Variants in EFCAB11 observed in about 807,000 individuals in gnomAD.
The protein encoded by EFCAB11 is EF-hand calcium binding domain 11.
Under a neutral mutation model 23.0 loss-of-function variants are expected in EFCAB11, and 14 were observed. The ratio of observed to expected loss-of-function variants is 0.61; its 90% CI spans 0.40 to 0.95. The LOEUF (loss-of-function observed/expected upper bound fraction) is 0.95, where lower values mean the gene tolerates loss of function less well. Among genes scored for constraint, EFCAB11 ranks in the 40% least tolerant of loss-of-function variants. EFCAB11 has a pLI of 0.00. For synonymous variants in EFCAB11, 65 were observed against 66.6 expected (o/e 0.98, Z 0.11); for missense variants, 198 against 195.8 (o/e 1.01, Z -0.07).
At chr14:89,831,236 G>C (rs1169082079) in intron 5 of EFCAB11, 1 of 152,220 alleles carries the variant, frequency 6.6e-6, no homozygotes, top group Non-Finnish European at 1.5e-5. Context: ...GCAACACAAA[G>C]GATGGAGTTA....
At chr14:89,927,791 G>A (rs913815787) in intron 5 of EFCAB11, among the ~76,000 whole-genome samples, 6 of 151,534 alleles carry the variant, frequency 4.0e-5, no homozygotes, top group African/African-American at 1.2e-4. Flanking sequence ...GCACGATCTC[G>A]GCTCACTACA....
At chr14:89,820,877 A>G (rs993407087) in intron 5 of EFCAB11, among the ~76,000 whole-genome samples, 6 of 151,528 alleles carry the variant, frequency 4.0e-5, no homozygotes, top group Non-Finnish European at 7.4e-5. Context: ...AGATTTTTAG[A>G]TATTATATAT....
rs574936441 is a variant in EFCAB11, at chr14:89,834,333, A to G, written c.411-37009T>C. 1.8e-4 allele frequency among the ~76,000 whole-genome samples: 22 copies of G among 125,190 alleles called. 1 individual carries two copies. The South Asian group carries it at 5.5e-3, about 31-fold the overall frequency. 82.1% of individuals were successfully genotyped at this position (125,190 alleles called of 152,430 possible). ...GGAGGTTGCAGCGAGCCGAGATCGC[A>G]CCACTGCACTCCAGCCTGGGCAACA... On this transcript the variant is annotated intron_variant, in intron 5 of 5. Transcript: ENST00000316738.
chr14:89,882,141 C>T (rs1177646393), intron 5 of EFCAB11, among the ~76,000 whole-genome samples: 1 of 152,158 alleles, frequency 6.6e-6, no homozygotes, highest in Non-Finnish European at 1.5e-5. Context: ...ATCTTACAAT[C>T]ATGCATTGCC....
At chr14:89,842,310 G>A (rs1004680322) in intron 5 of EFCAB11, among the ~76,000 whole-genome samples, 1 of 152,144 alleles carries the variant, frequency 6.6e-6, no homozygotes. Flanking sequence ...TAATCTGGGC[G>A]GGGCGTGGTG....
intron 2 of EFCAB11, among the ~76,000 whole-genome samples, chr14:89,951,812 C>T (rs1156366762): frequency 6.6e-6 from 1 of 151,492 alleles, no homozygotes; most frequent in Non-Finnish European, 1.5e-5. Flanking sequence ...GTAGTCCCAG[C>T]TACTCAAGAG....
At chr14:89,902,892 T>TCTA (rs1889385413) in intron 5 of EFCAB11, among the ~76,000 whole-genome samples, 3 of 152,192 alleles carry the variant, frequency 2.0e-5, no homozygotes, top group Admixed American at 1.3e-4. Context: ...TTTCTAGCAA[T>TCTA]GATATTAGCT....
At chr14:89,884,805 G>A (rs1430274583) in intron 5 of EFCAB11, among the ~76,000 whole-genome samples, 1 of 152,176 alleles carries the variant, frequency 6.6e-6, no homozygotes, top group Non-Finnish European at 1.5e-5. Flanking sequence ...GGTGTCTTTG[G>A]GAAGTAATTA....
intron 5 of EFCAB11, among the ~76,000 whole-genome samples, chr14:89,799,837 G>A (rs1885710386): frequency 6.6e-6 from 1 of 152,070 alleles, no homozygotes; most frequent in African/African-American, 2.4e-5. Flanking sequence ...TTACCTCCCA[G>A]GAGGTACTAG....
chr14:89,819,965 A>G (rs991410091), intron 5 of EFCAB11, among the ~76,000 whole-genome samples: 32 of 152,238 alleles, frequency 2.1e-4, no homozygotes, highest in African/African-American at 7.7e-4. Flanking sequence ...CAATCCAACA[A>G]TAGGAATATG....
chr14:89,893,075 G>A (rs1313043735), intron 5 of EFCAB11, among the ~76,000 whole-genome samples: 1 of 152,116 alleles, frequency 6.6e-6, no homozygotes, highest in African/African-American at 2.4e-5. Context: ...AGAGCCTGCC[G>A]CGCTGTGAAC....
At chr14:89,811,306 G>A (rs1466199753) in intron 5 of EFCAB11, among the ~76,000 whole-genome samples, 2 of 152,232 alleles carry the variant, frequency 1.3e-5, no homozygotes, top group South Asian at 2.1e-4. Flanking sequence ...GACCTTGGTC[G>A]TGATGCAAAG....
chr14:89,954,056 A>C, intron 1 of EFCAB11, 55 bp from the exon 2 acceptor site: 1 of 1,483,394 alleles, frequency 6.7e-7, no homozygotes, highest in Middle Eastern at 1.7e-4. Flanking sequence ...TATTTTTATT[A>C]CTAGTTTATT....
intron 5 of EFCAB11, among the ~76,000 whole-genome samples, chr14:89,865,106 T>C (rs1417211566): frequency 6.6e-6 from 1 of 152,172 alleles, no homozygotes; most frequent in African/African-American, 2.4e-5. Context: ...CAGTCAGTGC[T>C]GCATCCTTGG....
chr14:89,937,925 T>G (rs1226170749), intron 3 of EFCAB11: 2 of 152,150 alleles, frequency 1.3e-5, no homozygotes, highest in African/African-American at 4.8e-5. Flanking sequence ...ATTATTTTTT[T>G]TTACTTGTTT....
At chr14:89,817,176 C>A (rs1886361696) in intron 5 of EFCAB11, among the ~76,000 whole-genome samples, 1 of 151,872 alleles carries the variant, frequency 6.6e-6, no homozygotes, top group African/African-American at 2.4e-5. Context: ...TTAACTGGGA[C>A]AATAAGGGGC....
intron 5 of EFCAB11, among the ~76,000 whole-genome samples, chr14:89,801,692 T>C (rs575753357): frequency 2.0e-4 from 31 of 152,286 alleles, no homozygotes; most frequent in African/African-American, 7.2e-4. Flanking sequence ...TTTTGATTCA[T>C]TGTATTAAAA....
intron 5 of EFCAB11, among the ~76,000 whole-genome samples, chr14:89,814,564 C>T (rs1475413738): frequency 2.0e-5 from 3 of 151,936 alleles, no homozygotes; most frequent in Admixed American, 1.3e-4. Context: ...ATTAGCCTGG[C>T]GTGGTGGTGC....
In EFCAB11 at chr14:89,952,435, C is replaced by G. The variant is rs929695784; in HGVS notation, c.171+1471G>C. On this transcript the variant is annotated intron_variant, in intron 2 of 5. Transcript: ENST00000316738. ...AAATACAATGCTTCACAGGCTGACTCTTTTCAGCTGACCTGCTTTGTAATT... is the reference window on the plus strand; with the variant it reads ...AAATACAATGCTTCACAGGCTGACTGTTTTCAGCTGACCTGCTTTGTAATT... The G allele has an allele frequency of 3.0e-6, 3 of 985,310 alleles. No individual in the cohort carries two copies. In the African/African-American group the frequency reaches 5.2e-5, roughly 17 times the overall value. 61.0% of individuals were successfully genotyped at this position (985,310 alleles called of 1,614,324 possible).
Sources: gnomAD v4.1 joint callset for allele counts (sites outside exome capture counted in the v4.1 genomes callset) on GRCh38, gnomAD v4.1.1 for gene constraint, MANE v1.5 for transcripts, NCBI Gene and HGNC (gene_info 2026-07-23, HGNC 2026-07-21) for gene names.